The following ZBTB7C variants were observed in gnomAD, a reference collection of about 807,000 sequenced individuals.
ZBTB7C encodes the protein zinc finger and BTB domain-containing protein 7C.
Under a neutral mutation model 25.7 loss-of-function variants are expected in ZBTB7C, and 8 were observed. The ratio of observed to expected loss-of-function variants is 0.31; its 90% CI spans 0.18 to 0.56. The LOEUF (loss-of-function observed/expected upper bound fraction) is 0.56. Ranked by LOEUF, ZBTB7C falls within the 20% of genes least tolerant of loss-of-function variation. The pLI is 0.91. For missense variants in ZBTB7C, 824 were observed against 855.2 expected, an observed-to-expected ratio of 0.96 and a Z score of 0.46; for synonymous variants, 394 against 369.0, an observed-to-expected ratio of 1.07 and a Z score of -0.78.
chr18:48,373,172 G>A (rs2047428259), intron 1 of ZBTB7C, among the ~76,000 whole-genome samples: 1 of 152,124 alleles, frequency 6.6e-6, no homozygotes, highest in African/African-American at 2.4e-5. Context: ...AATGCTGGAG[G>A]TGGGGCCTGG....
At chr18:48,194,393 T>A (rs1308072260) in intron 2 of ZBTB7C, among the ~76,000 whole-genome samples, 1 of 151,808 alleles carries the variant, frequency 6.6e-6, no homozygotes, top group Non-Finnish European at 1.5e-5. Flanking sequence ...ATTGCGGGGG[T>A]TGTCTGAACT....
intron 2 of ZBTB7C, among the ~76,000 whole-genome samples, chr18:48,284,061 C>A (rs1165246113): frequency 6.6e-6 from 1 of 152,104 alleles, no homozygotes; most frequent in African/African-American, 2.4e-5. Context: ...ACACAAGAAT[C>A]ACTTGAACCC....
chr18:48,250,407 C>T (rs2043813896), intron 2 of ZBTB7C, among the ~76,000 whole-genome samples: 2 of 152,160 alleles, frequency 1.3e-5, no homozygotes, highest in African/African-American at 4.8e-5. Context: ...AAAGCCCCTA[C>T]CTCACAGCAC....
intron 3 of ZBTB7C, among the ~76,000 whole-genome samples, chr18:48,096,890 C>T (rs762272753): frequency 1.7e-4 from 26 of 152,298 alleles, no homozygotes; most frequent in South Asian, 4.2e-4. Flanking sequence ...TTGCAAGTCC[C>T]GAAAGGGAAG....
At chr18:48,295,435 C>A (rs970041016) in intron 2 of ZBTB7C, among the ~76,000 whole-genome samples, 1 of 152,172 alleles carries the variant, frequency 6.6e-6, no homozygotes, top group African/African-American at 2.4e-5. Context: ...CAGAATGTTT[C>A]CTCTGCGTCA....
At chr18:48,077,904 G>A (rs192199734) in intron 3 of ZBTB7C, among the ~76,000 whole-genome samples, 134 of 151,678 alleles carry the variant, frequency 8.8e-4, no homozygotes, top group South Asian at 3.4e-3. Flanking sequence ...TCACCTGGCT[G>A]GGCTCCAGCT....
chr18:48,324,367 C>T (rs1274572869), intron 2 of ZBTB7C, among the ~76,000 whole-genome samples: 7 of 152,010 alleles, frequency 4.6e-5, no homozygotes, highest in Non-Finnish European at 1.0e-4. Context: ...TGAGCTGAGC[C>T]AGGATCTGGG....
intron 2 of ZBTB7C, among the ~76,000 whole-genome samples, chr18:48,276,306 T>C (rs1414873086): frequency 4.0e-5 from 6 of 151,684 alleles, no homozygotes; most frequent in Non-Finnish European, 5.9e-5. Flanking sequence ...TTTTTATTTA[T>C]TTATTTATTA....
intron 1 of ZBTB7C, among the ~76,000 whole-genome samples, chr18:48,402,182 CCAAA>C (rs926882185): frequency 2.2e-4 from 34 of 151,848 alleles, no homozygotes; most frequent in Admixed American, 6.6e-4. Flanking sequence ...AAGACGTCCC[CCAAA>C]CAGTGATGCC....
intron 2 of ZBTB7C, among the ~76,000 whole-genome samples, chr18:48,191,807 A>T (rs1434833591): frequency 6.6e-6 from 1 of 152,188 alleles, no homozygotes; most frequent in Non-Finnish European, 1.5e-5. Context: ...TTCAGAGGCT[A>T]TGTTTGCTTT....
Position 48,273,884 on chromosome 18 carries a change from T to TA in ZBTB7C, c.-79+64289dup, listed in dbSNP as rs1158018883. On this transcript the variant is annotated intron_variant, in intron 2 of 4. Transcript: ENST00000590800. Reference sequence around the variant, plus strand: ...TTTATTTTTTCTATATTTTCCTTTTTAAAAAAAACAATAAGAAGGTGTTAT... The same window carrying TA: ...TTTATTTTTTCTATATTTTCCTTTTTAAAAAAAAACAATAAGAAGGTGTTAT... 3.3e-5 allele frequency among the ~76,000 whole-genome samples: 5 copies of TA among 151,988 alleles called. No homozygotes were observed. In the East Asian group the frequency reaches 9.7e-4, roughly 29 times the overall value.
chr18:48,347,124 GTTTTTTTT>G (rs1158209713), intron 1 of ZBTB7C, among the ~76,000 whole-genome samples: 3 of 80,508 alleles, frequency 3.7e-5, no homozygotes, highest in Non-Finnish European at 6.8e-5. Context: ...GTTTTTGTTT[GTTTTTTTT>G]TTTTTTTTTT....
In ZBTB7C at chr18:48,040,993, C is replaced by A. The variant is rs747789608; in HGVS notation, c.115G>T (p.Val39Leu). ...GTCCGATACTCCTGCTCCTGCACCA[C>A]CAGGAGCACGTCACACAGCAGGCCA... The part of the protein sequence containing the change: ...HDGLLCDVLL[V>L]VQEQEYRTHR... The change falls in exon 4 of 5, where the codon GTG becomes TTG. Residue 39 changes from valine to leucine, a missense_variant. By Grantham distance (32) the Val-to-Leu change is conservative (BLOSUM62 1). This residue lies in a region of ZBTB7C where 117 missense variants were observed against 167.7 expected (regional missense o/e 0.70). Coordinates refer to ENST00000590800, the MANE Select transcript of ZBTB7C (RefSeq NM_001318841.2). The A allele has an allele frequency of 3.7e-6, 6 of 1,614,050 alleles. No homozygotes were observed. In the African/African-American group the frequency reaches 6.7e-5, roughly 18 times the overall value.
At chr18:48,036,054 A>G (rs998424275) in intron 4 of ZBTB7C, among the ~76,000 whole-genome samples, 1 of 152,252 alleles carries the variant, frequency 6.6e-6, no homozygotes, top group Admixed American at 6.5e-5. Flanking sequence ...GACCAGAGCT[A>G]GGAAGGGACA....
At chr18:48,310,907 C>T (rs1259777695) in intron 2 of ZBTB7C, among the ~76,000 whole-genome samples, 1 of 152,198 alleles carries the variant, frequency 6.6e-6, no homozygotes, top group Non-Finnish European at 1.5e-5. Flanking sequence ...CTGCCTGGCT[C>T]CAAATGTCAG....
chr18:48,306,984 C>T (rs1172886363), intron 2 of ZBTB7C, among the ~76,000 whole-genome samples: 1 of 152,126 alleles, frequency 6.6e-6, no homozygotes, highest in East Asian at 1.9e-4. Context: ...CAACTATCTG[C>T]CACCTCCTTA....
intron 2 of ZBTB7C, among the ~76,000 whole-genome samples, chr18:48,292,076 T>G (rs1482272615): frequency 1.3e-5 from 2 of 151,932 alleles, no homozygotes; most frequent in Non-Finnish European, 2.9e-5. Flanking sequence ...TGGGTGCCTG[T>G]AATTCCTGCT....
intron 2 of ZBTB7C, among the ~76,000 whole-genome samples, chr18:48,322,861 T>A (rs1427707029): frequency 6.6e-6 from 1 of 152,222 alleles, no homozygotes; most frequent in African/African-American, 2.4e-5. Context: ...GGAATACTAC[T>A]CAGCCATAAA....
chr18:48,171,570 G>A (rs2041481904), intron 3 of ZBTB7C, among the ~76,000 whole-genome samples: 1 of 152,266 alleles, frequency 6.6e-6, no homozygotes, highest in Admixed American at 6.5e-5. Context: ...GGGCAAGGAT[G>A]CTGTACCCAT....
Sources: allele counts gnomAD v4.1 joint callset (sites outside exome capture counted in the v4.1 genomes callset), GRCh38; gene constraint gnomAD v4.1.1; regional missense constraint gnomAD v4.1.1; transcripts MANE v1.5; gene names NCBI Gene and HGNC (gene_info 2026-07-23, HGNC 2026-07-21).